TOGARAM2: variants seen among roughly 807,000 people sequenced by gnomAD.
TOGARAM2 encodes the protein TOG array regulator of axonemal microtubules 2, also known as TOG array regulator of axonemal microtubules protein 2.
TOGARAM2 carries 85 observed loss-of-function variants against 93.3 expected under a neutral mutation model. That is an observed-to-expected ratio of 0.91 (90% CI 0.76 to 1.09). TOGARAM2 has a LOEUF of 1.09. Among genes scored for constraint, TOGARAM2 ranks in the 50% least tolerant of loss-of-function variants. The pLI is 0.00. For synonymous variants in TOGARAM2, 593 were observed against 552.8 expected, an observed-to-expected ratio of 1.07 and a Z score of -1.02; for missense variants, 1,277 against 1,334.5, an observed-to-expected ratio of 0.96 and a Z score of 0.67.
intron 19 of TOGARAM2, chr2:29,050,154 C>T (rs1243976930): frequency 1.3e-5 from 2 of 152,120 alleles, no homozygotes; most frequent in African/African-American, 2.4e-5. Flanking sequence ...GAGTTCAAGA[C>T]CAGCCTGGGT....
In TOGARAM2 at chr2:28,994,790, C is replaced by G; in HGVS notation, c.-45C>G. The stretch of plus-strand genomic sequence containing the variant: ...GACTGTACTCACTGCCCAGAAATAG[C>G]TGCTGCCTCTGGGCAACCTTGTAGG... On this transcript the variant is annotated 5_prime_UTR_variant, in exon 2 of 20. Transcript: ENST00000379558. The G allele has an allele frequency of 6.4e-7, 1 of 1,551,026 alleles. No homozygotes were observed. The highest frequency in any genetic ancestry group is 8.7e-7 in the Non-Finnish European group (1 of 1,146,392).
In TOGARAM2 at chr2:29,052,006, C is replaced by T. The variant is rs779750167; in HGVS notation, c.2973C>T (p.Ser991=). ...KTLQELLDSE[S]LGGSRKATDR... ...TCCAGGAACTCTTAGACTCAGAGTC[C>T]TTGGGAGGCAGCCGCAAGGCCACTG... Residue 991 remains serine (S), a synonymous_variant, in exon 20 of 20, where the codon TCC becomes TCT. Transcript: ENST00000379558. The T allele has an allele frequency of 8.1e-6, 13 of 1,613,008 alleles. No individual in the cohort carries two copies. The highest frequency in any genetic ancestry group is 1.1e-5 in the Non-Finnish European group (13 of 1,179,626).
At position 29,015,392 on chromosome 2, in the gene TOGARAM2, C is replaced by G. The variant is rs1271656696; in HGVS notation, c.1044+831C>G. On this transcript the variant is annotated intron_variant, in intron 8 of 19. Transcript: ENST00000379558. ...AATTTCAAGCATCCCATTGGCTCAC[C>G]ACCTTCTCCTGCTGTTCTGCTCAAT... Among the ~76,000 whole-genome samples the G allele has an allele frequency of 3.9e-5, 6 of 152,296 alleles. 1 individual carries two copies. Among genetic ancestry groups the G allele is most frequent in the Admixed American group, 3.9e-4 (6 of 15,298 alleles).
At chr2:29,050,796 C>T (rs6716820) in intron 19 of TOGARAM2, 13,966 of 152,320 alleles carry the variant, frequency 0.092, 703 homozygotes, top group East Asian at 0.15. Flanking sequence ...AATGCGGCCA[C>T]AGCTGAAGGC....
In TOGARAM2 at chr2:29,017,807, G is replaced by A. The variant is rs35166194; in HGVS notation, c.1211G>A (p.Arg404Gln). Residue 404 changes from arginine (R) to glutamine (Q), a missense_variant, in exon 10 of 20, where the codon CGG (arginine) becomes CAG (glutamine). Transcript: ENST00000379558. The stretch of plus-strand genomic sequence containing the variant: ...GTGTCCACAGGCCTCCTTCCCCTCC[G>A]GGGCAGCGGGACACTGTCTGTGCCC... ...AFMKEGLLPL[R>Q]GSGTLSVPTR... 0.23 allele frequency: 377,039 copies of A among 1,607,832 alleles called. 45,456 individuals carry two copies. Among genetic ancestry groups the A allele is most frequent in the Non-Finnish European group, 0.24 (285,693 of 1,176,198 alleles).
rs890922733 is a variant in TOGARAM2 at position 28,956,988 on chromosome 2, G to A, written c.-147+291G>A. 6.6e-6 allele frequency among the ~76,000 whole-genome samples: 1 copy of A among 151,946 alleles called. No homozygotes were observed. Among genetic ancestry groups the A allele is most frequent in the African/African-American group, 2.4e-5 (1 of 41,406 alleles). ...AAAAGTACAAAAATTGGCCGGGAAT[G>A]GTGGAGGGCATCTGTAATCCCAGGA... On this transcript the variant is annotated intron_variant, in intron 1 of 6. Coordinates refer to the TOGARAM2 transcript ENST00000401723. This position sits in a 1 kb window ranked among gnomAD's most constrained non-coding sequence, Gnocchi z 4.5.
chr2:28,976,187 G>A (rs1394432026), intron 1 of TOGARAM2, among the ~76,000 whole-genome samples: 2 of 152,104 alleles, frequency 1.3e-5, no homozygotes, highest in Non-Finnish European at 2.9e-5. Context: ...TGGCTAACAT[G>A]GTGAAACCCC....
intron 1 of TOGARAM2, among the ~76,000 whole-genome samples, chr2:28,968,977 A>G (rs752004197): frequency 1.3e-5 from 2 of 151,956 alleles, no homozygotes; most frequent in Non-Finnish European, 2.9e-5. Context: ...CTCTCTCTGC[A>G]TCTAGGATGA....
At chr2:29,027,092 C>T (rs529576944) in intron 14 of TOGARAM2, 81 bp downstream of exon 14, 2 of 1,375,734 alleles carry the variant, frequency 1.5e-6, no homozygotes, top group South Asian at 1.5e-5. Flanking sequence ...ACAGCTTCAG[C>T]TTCCCTGGGA....
chr2:29,033,189 T>C (rs1432580814), intron 15 of TOGARAM2, 138 bp downstream of exon 15: 9 of 730,086 alleles, frequency 1.2e-5, no homozygotes, highest in Non-Finnish European at 2.1e-5. Context: ...TCCTGATAGG[T>C]GAGATAGATG....
At chr2:29,049,065 C>T (rs1666926126) in intron 19 of TOGARAM2, 1 of 150,692 alleles carries the variant, frequency 6.6e-6, no homozygotes, top group African/African-American at 2.4e-5. Flanking sequence ...TGGGGTTTCT[C>T]CATGTTGGCC....
Position 29,051,871 on chromosome 2 carries a change from C to A in TOGARAM2, c.2838C>A (p.Ser946Arg). 1.3e-6 allele frequency: 2 copies of A among 1,571,734 alleles called. No homozygotes were observed. Among genetic ancestry groups the A allele is most frequent in the Non-Finnish European group, 1.7e-6 (2 of 1,158,562 alleles). ...GGAATGGCACCCTGCCTGGACCCAGCGGGAACATCCGCGGGGTGGTGTGCC... is the reference window on the plus strand; with the variant it reads ...GGAATGGCACCCTGCCTGGACCCAGAGGGAACATCCGCGGGGTGGTGTGCC... Reference protein sequence around the residue: ...ATRNGTLPGPSGNIRGVVCRL... With the variant: ...ATRNGTLPGPRGNIRGVVCRL... The change falls in exon 20 of 20, where the codon AGC (serine) becomes AGA (arginine). Residue 946 changes from serine to arginine, a missense_variant. Ser to Arg is a moderately radical substitution (Grantham distance 110, BLOSUM62 -1). Coordinates refer to ENST00000379558, the MANE Select transcript of TOGARAM2 (RefSeq NM_199280.4).
chr2:29,017,862 C>A lies in TOGARAM2; in HGVS notation c.1266C>A (p.Asp422Glu). ...PTRLSGPCRN[D>E]VSIILRKWAS... ...GGCTGAGCGGCCCATGCAGAAACGA[C>A]GTCAGCATCATCCTGAGGAAGTGGG... The change falls in exon 10 of 20, where the codon GAC (aspartate) becomes GAA (glutamate). Residue 422 changes from aspartate to glutamate, a missense_variant. By Grantham distance (45) the Asp-to-Glu change is conservative. Coordinates refer to ENST00000379558, the MANE Select transcript of TOGARAM2 (RefSeq NM_199280.4). 6.2e-7 allele frequency: 1 copy of A among 1,613,588 alleles called. No homozygotes were observed. The highest frequency in any genetic ancestry group is 1.1e-5 in the South Asian group (1 of 91,014).
intron 16 of TOGARAM2, 88 bp downstream of exon 16, chr2:29,033,651 GTGGACATA>G (rs1665914283): frequency 8.2e-7 from 1 of 1,213,852 alleles, no homozygotes; most frequent in African/African-American, 1.5e-5. Flanking sequence ...TGGCTCTGGG[GTGGACATA>G]TGGATCTGGG....
At chr2:29,021,438 CCTCTGGG>C in intron 10 of TOGARAM2, among the ~76,000 whole-genome samples, 1 of 152,308 alleles carries the variant, frequency 6.6e-6, no homozygotes, top group East Asian at 1.9e-4. Flanking sequence ...CCTCTCTGGG[CCTCTGGG>C]ACCTCAACTG....
chr2:28,983,021 T>G (rs1241639238), intron 1 of TOGARAM2, among the ~76,000 whole-genome samples: 2 of 151,714 alleles, frequency 1.3e-5, no homozygotes, highest in East Asian at 3.9e-4. Flanking sequence ...AAGGTTTCAC[T>G]CTGTCCCCCA....
intron 1 of TOGARAM2, among the ~76,000 whole-genome samples, chr2:28,984,764 T>C (rs1207104006): frequency 6.6e-6 from 1 of 152,224 alleles, no homozygotes; most frequent in African/African-American, 2.4e-5. Context: ...CCCCAGCCAA[T>C]GGCTGTGTGA....
At position 28,998,173 on chromosome 2, in the gene TOGARAM2, G is replaced by A. The variant is rs1306756227; in HGVS notation, c.59G>A (p.Cys20Tyr). The A allele has an allele frequency of 6.2e-7, 1 of 1,611,180 alleles. No homozygotes were observed. The highest frequency in any genetic ancestry group is 8.5e-7 in the Non-Finnish European group (1 of 1,178,870). The change falls in exon 3 of 20, where the codon TGC (cysteine) becomes TAC (tyrosine). Residue 20 changes from cysteine (C) to tyrosine (Y), a missense_variant. By Grantham distance (194) the Cys-to-Tyr change is radical. Coordinates refer to ENST00000379558, the MANE Select transcript of TOGARAM2 (RefSeq NM_199280.4). ...AKVLVPVAVYCGSIPRTSAGP... is the reference protein window; with the variant it reads ...AKVLVPVAVYYGSIPRTSAGP... ...GTCCTGGTCCCCGTGGCCGTGTACT[G>A]CGGGAGCATCCCTCGGACCAGTGCT...
At chr2:29,030,043 G>A (rs1036464337) in intron 14 of TOGARAM2, among the ~76,000 whole-genome samples, 18 of 152,232 alleles carry the variant, frequency 1.2e-4, no homozygotes, top group Non-Finnish European at 1.9e-4. Context: ...GGAACCCAAG[G>A]CAGGTGGATC....
Sources: gnomAD v4.1 joint callset for allele counts (sites outside exome capture counted in the v4.1 genomes callset) on GRCh38, gnomAD v4.1.1 for gene constraint, Gnocchi (gnomAD v3.1) non-coding constraint, MANE v1.5 for transcripts, NCBI Gene and HGNC (gene_info 2026-07-23, HGNC 2026-07-21) for gene names.